ITGB5: variants seen among roughly 807,000 people sequenced by gnomAD.
ITGB5 encodes the protein integrin subunit beta 5.
ITGB5 carries 38 observed loss-of-function variants against 84.8 expected under a neutral mutation model. The ratio of observed to expected loss-of-function variants is 0.45; its 90% CI spans 0.35 to 0.59. The LOEUF (loss-of-function observed/expected upper bound fraction) is 0.59, where lower values mean the gene tolerates loss of function less well. Among genes scored for constraint, ITGB5 ranks in the 20% least tolerant of loss-of-function variants. The probability of loss-of-function intolerance (pLI) is 0.01; values close to 1 mark genes in which losing one functional copy is unlikely to be tolerated. For missense variants in ITGB5, 905 were observed against 1,034.5 expected (o/e 0.87, Z 1.72); for synonymous variants, 393 against 414.4 (o/e 0.95, Z 0.63).
Position 124,841,526 on chromosome 3 carries a change from G to C in ITGB5, c.637C>G (p.Pro213Ala). The change falls in exon 5 of 15, where the codon CCC becomes GCC. Residue 213 changes from proline to alanine, a missense_variant. Pro to Ala is a conservative substitution (Grantham distance 27). Transcript: ENST00000296181. ...IGYKLFPNCV[P>A]SFGFRHLLPL... ...AGCAGATGGCGGAACCCAAAGGAGG[G>C]GACGCAATTTGGAAACAACTTGTAA... The C allele has an allele frequency of 1.2e-6, 2 of 1,613,814 alleles. No individual in the cohort carries two copies. The highest frequency in any genetic ancestry group is 1.7e-6 in the Non-Finnish European group (2 of 1,179,902).
intron 8 of ITGB5, among the ~76,000 whole-genome samples, chr3:124,816,216 G>C (rs1397815778): frequency 6.6e-6 from 1 of 152,210 alleles, no homozygotes; most frequent in East Asian, 1.9e-4. Context: ...CGCAGGGCTG[G>C]CTACACCCCA....
intron 2 of ITGB5, among the ~76,000 whole-genome samples, chr3:124,867,827 T>C (rs1003370342): frequency 2.6e-5 from 4 of 152,210 alleles, no homozygotes; most frequent in African/African-American, 4.8e-5. Flanking sequence ...TAAAAAATGA[T>C]GGACAAAATA....
At chr3:124,801,242 G>A (rs951743542) in intron 9 of ITGB5, among the ~76,000 whole-genome samples, 1 of 152,212 alleles carries the variant, frequency 6.6e-6, no homozygotes, top group African/African-American at 2.4e-5. Flanking sequence ...ATACTGATTT[G>A]TTGAAGCCAG....
intron 4 of ITGB5, among the ~76,000 whole-genome samples, chr3:124,843,358 G>GT (rs371869482): frequency 2.0e-5 from 3 of 152,104 alleles, no homozygotes; most frequent in Admixed American, 2.0e-4. Context: ...CAGGTGTGTG[G>GT]TTTTTTTACA....
chr3:124,844,343 T>A (rs1192003178), intron 4 of ITGB5, among the ~76,000 whole-genome samples: 1 of 151,904 alleles, frequency 6.6e-6, no homozygotes, highest in African/African-American at 2.4e-5. Context: ...GCAGATCACC[T>A]GAGGTCAGGA....
chr3:124,887,600 T>C (rs1228703855), upstream of ITGB5: 2 of 378,252 alleles, frequency 5.3e-6, no homozygotes, highest in East Asian at 8.5e-5. Context: ...TGCGACTCAC[T>C]TGGGGCGTGG....
chr3:124,815,599 G>C (rs2064576929), intron 8 of ITGB5, among the ~76,000 whole-genome samples: 1 of 151,928 alleles, frequency 6.6e-6, no homozygotes, highest in African/African-American at 2.4e-5. Context: ...CATCCTCAGA[G>C]GGAAGGGGAG....
chr3:124,860,387 T>C lies in ITGB5; in HGVS notation c.157-941A>G, dbSNP rs542068351. Among the ~76,000 whole-genome samples the C allele has an allele frequency of 1.5e-4, 23 of 152,322 alleles. 1 individual carries two copies. Among genetic ancestry groups the C allele is most frequent in the East Asian group, 1.2e-3 (6 of 5,194 alleles). ...ATTTATTAGGATTTGAAAGAACAAT[T>C]TTAAATGAGGTGTTATAGTAAAGTG... On this transcript the variant is annotated intron_variant, in intron 2 of 14. Transcript: ENST00000296181.
intron 2 of ITGB5, among the ~76,000 whole-genome samples, chr3:124,867,525 C>A (rs950111390): frequency 6.6e-6 from 1 of 152,260 alleles, no homozygotes; most frequent in Non-Finnish European, 1.5e-5. Flanking sequence ...GCCTTGCCCA[C>A]TTCTCCCAAA....
chr3:124,890,494 C>T (rs1372909913), upstream of ITGB5, among the ~76,000 whole-genome samples: 2 of 152,224 alleles, frequency 1.3e-5, no homozygotes, highest in African/African-American at 4.8e-5. Context: ...CCACCGCGCC[C>T]GGCCTTATCT....
intron 11 of ITGB5, among the ~76,000 whole-genome samples, chr3:124,773,190 A>C (rs1053302404): frequency 1.3e-5 from 2 of 152,140 alleles, no homozygotes; most frequent in Non-Finnish European, 2.9e-5. Context: ...TACAGGTGTG[A>C]GCCACCATGC....
At chr3:124,899,014 G>T (rs1935167962) in intron 1 of ITGB5, among the ~76,000 whole-genome samples, 1 of 151,888 alleles carries the variant, frequency 6.6e-6, no homozygotes, top group Non-Finnish European at 1.5e-5. Flanking sequence ...GGCGGAGGTT[G>T]CAGTGAGCCT....
At position 124,808,950 on chromosome 3, in the gene ITGB5, A is replaced by T. The variant is rs567552632; in HGVS notation, c.1263+72T>A. 1.2e-4 allele frequency: 182 copies of T among 1,530,766 alleles called. 1 individual carries two copies. The South Asian group carries it at 2.0e-3, about 17-fold the overall frequency. The allele number at this position is 1,530,766 out of a possible 1,614,324, so 94.8% of individuals were successfully genotyped here. ...TCCGAAAGGACTCTTAATAAGTCAC[A>T]AAAGTTATTAGAACCCAAAGACTGA... is the stretch of plus-strand genomic sequence containing the variant. On this transcript the variant is annotated intron_variant, in intron 9 of 14. Coordinates refer to ENST00000296181, the MANE Select transcript of ITGB5 (RefSeq NM_002213.5).
At chr3:124,871,892 A>G (rs181451810) in intron 2 of ITGB5, among the ~76,000 whole-genome samples, 28 of 152,150 alleles carry the variant, frequency 1.8e-4, no homozygotes, top group Admixed American at 9.8e-4. Flanking sequence ...GAAAGGAGGA[A>G]GAAAAAGCCA....
At position 124,809,015 on chromosome 3, in the gene ITGB5, G is replaced by A; in HGVS notation, c.1263+7C>T. 6.2e-7 allele frequency: 1 copy of A among 1,613,772 alleles called. No homozygotes were observed. The highest frequency in any genetic ancestry group is 1.7e-5 in the Admixed American group (1 of 59,958). On this transcript the variant is annotated splice_region_variant and intron_variant, in intron 9 of 14. Transcript: ENST00000296181. Reference sequence around the variant, plus strand: ...AAGAGTTCATACAAACTTGGGGTGAGACTTACCGTGTCCCCAATCTTCAGA... The same window carrying A: ...AAGAGTTCATACAAACTTGGGGTGAAACTTACCGTGTCCCCAATCTTCAGA...
At chr3:124,894,529 A>G (rs1935065070) in intron 1 of ITGB5, 1 of 152,074 alleles carries the variant, frequency 6.6e-6, no homozygotes, top group African/African-American at 2.4e-5. Flanking sequence ...TTATCAGTAG[A>G]GCTTAGACAT....
chr3:124,774,361 TCAC>T (rs1237366879), intron 10 of ITGB5, among the ~76,000 whole-genome samples: 14 of 152,150 alleles, frequency 9.2e-5, no homozygotes, highest in African/African-American at 3.4e-4. Context: ...CTAAATGTAA[TCAC>T]CAAGGTTCTT....
intron 1 of ITGB5, among the ~76,000 whole-genome samples, chr3:124,885,251 C>G (rs1353613979): frequency 6.6e-6 from 1 of 151,292 alleles, no homozygotes; most frequent in African/African-American, 2.4e-5. Context: ...GCCTGGGCTA[C>G]AAGACTGAAA....
rs1225539438 is a variant in ITGB5 at position 124,763,494 on chromosome 3, C to T, written c.*129G>A. The T allele has an allele frequency of 5.0e-6, 3 of 604,988 alleles. No homozygotes were observed. Among genetic ancestry groups the T allele is most frequent in the Admixed American group, 5.6e-5 (2 of 35,846 alleles). The allele number at this position is 604,988 out of a possible 1,614,324, so 37.5% of individuals were successfully genotyped here. A position where few individuals can be genotyped will look rare whatever the true frequency, so the allele number is the denominator to read the frequency against. On this transcript the variant is annotated 3_prime_UTR_variant, in exon 15 of 15. Coordinates refer to ENST00000296181, the MANE Select transcript of ITGB5 (RefSeq NM_002213.5). ...GTACAGGCACTGTGGGCTCCTGGCC[C>T]AGGCTCACTAGAAGGTCTTCTCTGT...
Sources: gnomAD v4.1 joint callset for allele counts (sites outside exome capture counted in the v4.1 genomes callset) on GRCh38, gnomAD v4.1.1 for gene constraint, MANE v1.5 for transcripts, NCBI Gene and HGNC (gene_info 2026-07-23, HGNC 2026-07-21) for gene names.